The following MEMO1 variants were observed in gnomAD, a reference collection of about 807,000 sequenced individuals.
MEMO1 encodes mediator of cell motility 1.
MEMO1 carries 6 observed loss-of-function variants against 45.2 expected under a neutral mutation model. That is an observed-to-expected ratio of 0.13 (90% CI 0.07 to 0.26). The LOEUF is 0.26. Ranked by LOEUF, MEMO1 falls within the 10% of genes least tolerant of loss-of-function variation. MEMO1 has a pLI of 1.00. For missense variants in MEMO1, 184 were observed against 370.5 expected (o/e 0.50, Z 4.13); for synonymous variants, 78 against 124.3 (o/e 0.63, Z 2.48).
chr2:31,973,001 T>C (rs1412126245), intron 2 of MEMO1, among the ~76,000 whole-genome samples: 1 of 152,046 alleles, frequency 6.6e-6, no homozygotes, highest in Non-Finnish European at 1.5e-5. Context: ...AAAGGGAAAA[T>C]GGCAAGTGAC....
chr2:31,899,338 T>G (rs1375936618), intron 6 of MEMO1, among the ~76,000 whole-genome samples: 3 of 152,078 alleles, frequency 2.0e-5, no homozygotes, highest in African/African-American at 4.8e-5. Context: ...AAAACAGATA[T>G]ATAGACCAAT....
At chr2:31,985,428 T>C (rs1466671621) in intron 2 of MEMO1, among the ~76,000 whole-genome samples, 2 of 152,160 alleles carry the variant, frequency 1.3e-5, no homozygotes, top group Non-Finnish European at 2.9e-5. Context: ...TGGGTTCAAG[T>C]GGTTCTCCTG....
chr2:31,878,465 T>G (rs1165173592), intron 8 of MEMO1, among the ~76,000 whole-genome samples: 1 of 151,820 alleles, frequency 6.6e-6, no homozygotes, highest in Non-Finnish European at 1.5e-5. Flanking sequence ...AGAAGACCAG[T>G]TAGGAAAGTG....
chr2:31,985,106 G>T, intron 2 of MEMO1, among the ~76,000 whole-genome samples: 1 of 152,084 alleles, frequency 6.6e-6, no homozygotes, highest in East Asian at 1.9e-4. Context: ...TTAAAGAGCA[G>T]GCAAATATCA....
intron 2 of MEMO1, among the ~76,000 whole-genome samples, chr2:31,976,709 C>T (rs1485767691): frequency 6.6e-6 from 1 of 151,998 alleles, no homozygotes; most frequent in Non-Finnish European, 1.5e-5. Flanking sequence ...GCTATTTTTG[C>T]TAATCAATAC....
At chr2:31,995,628 T>C (rs1672497826) in intron 2 of MEMO1, among the ~76,000 whole-genome samples, 1 of 151,912 alleles carries the variant, frequency 6.6e-6, no homozygotes, top group Non-Finnish European at 1.5e-5. Context: ...GGGGGGAACA[T>C]TCTCAGTGAA....
At chr2:31,980,456 T>C (rs934433637) in intron 2 of MEMO1, among the ~76,000 whole-genome samples, 1 of 152,158 alleles carries the variant, frequency 6.6e-6, no homozygotes, top group Non-Finnish European at 1.5e-5. Flanking sequence ...ATATAATTTT[T>C]AGATTTTTTT....
intron 2 of MEMO1, among the ~76,000 whole-genome samples, chr2:32,009,246 C>A (rs2148631027): frequency 6.6e-6 from 1 of 152,294 alleles, no homozygotes; most frequent in East Asian, 1.9e-4. Context: ...CCAGCACCTG[C>A]CTGGTGTAGG....
At chr2:31,880,611 A>G (rs1228759703) in intron 8 of MEMO1, among the ~76,000 whole-genome samples, 1 of 152,220 alleles carries the variant, frequency 6.6e-6, no homozygotes, top group Non-Finnish European at 1.5e-5. Flanking sequence ...AACAAACTGA[A>G]GACTTACAAG....
At chr2:31,912,475 T>G (rs1445383176) in intron 6 of MEMO1, among the ~76,000 whole-genome samples, 2 of 144,132 alleles carry the variant, frequency 1.4e-5, no homozygotes, top group Non-Finnish European at 3.0e-5. Flanking sequence ...ATCATGCCAT[T>G]GCACTCCAGC....
chr2:31,976,430 T>C (rs1238003095), intron 2 of MEMO1, among the ~76,000 whole-genome samples: 1 of 150,948 alleles, frequency 6.6e-6, no homozygotes, highest in Non-Finnish European at 1.5e-5. Context: ...ATACAAAAAT[T>C]AGCCAGGCAT....
At chr2:31,900,789 T>C (rs956128493) in intron 6 of MEMO1, among the ~76,000 whole-genome samples, 2 of 151,932 alleles carry the variant, frequency 1.3e-5, no homozygotes, top group African/African-American at 4.8e-5. Flanking sequence ...TAATCAAAAA[T>C]ACTGACAATA....
intron 7 of MEMO1, among the ~76,000 whole-genome samples, chr2:31,886,035 T>C (rs375866872): frequency 6.6e-6 from 1 of 152,256 alleles, no homozygotes; most frequent in African/African-American, 2.4e-5. Flanking sequence ...TTTGAAATAC[T>C]TTAAAATACT....
intron 2 of MEMO1, among the ~76,000 whole-genome samples, chr2:31,974,428 C>T (rs1265576157): frequency 6.6e-6 from 1 of 152,130 alleles, no homozygotes; most frequent in African/African-American, 2.4e-5. Flanking sequence ...TTTCCAATGA[C>T]TCAAATTTGC....
intron 2 of MEMO1, among the ~76,000 whole-genome samples, chr2:31,954,396 C>T (rs1187443676): frequency 6.6e-6 from 1 of 152,070 alleles, no homozygotes; most frequent in African/African-American, 2.4e-5. Flanking sequence ...CCAGCTTGGT[C>T]AACATAGTGA....
intron 2 of MEMO1, among the ~76,000 whole-genome samples, chr2:31,979,564 G>A (rs1670401116): frequency 6.6e-6 from 1 of 151,954 alleles, no homozygotes; most frequent in African/African-American, 2.4e-5. Context: ...AAACAGCAGT[G>A]GTGACAGCAC....
chr2:31,942,344 A>T (rs1665712646), intron 3 of MEMO1, among the ~76,000 whole-genome samples: 1 of 152,198 alleles, frequency 6.6e-6, no homozygotes, highest in Non-Finnish European at 1.5e-5. Flanking sequence ...ATCGGGATTA[A>T]ATTAGATCTC....
At chr2:31,991,984 A>G (rs894396418) in intron 2 of MEMO1, among the ~76,000 whole-genome samples, 1 of 152,238 alleles carries the variant, frequency 6.6e-6, no homozygotes, top group African/African-American at 2.4e-5. Context: ...TTGAGCCTTC[A>G]GTCACAAGTA....
At chr2:32,000,337 C>T (rs926026335) in intron 2 of MEMO1, among the ~76,000 whole-genome samples, 2 of 152,034 alleles carry the variant, frequency 1.3e-5, no homozygotes, top group African/African-American at 2.4e-5. Flanking sequence ...TCACTCCACT[C>T]TTCTCGCCGC....
Sources: gnomAD v4.1 joint callset for allele counts (sites outside exome capture counted in the v4.1 genomes callset) on GRCh38, gnomAD v4.1.1 for gene constraint, MANE v1.5 for transcripts, NCBI Gene and HGNC (gene_info 2026-07-23, HGNC 2026-07-21) for gene names.